RGS7: variants seen among roughly 807,000 people sequenced by gnomAD.
RGS7 encodes the protein regulator of G protein signaling 7.
Under a neutral mutation model 81.1 loss-of-function variants are expected in RGS7, and 27 were observed. The ratio of observed to expected loss-of-function variants is 0.33; its 90% confidence interval spans 0.25 to 0.46. The LOEUF (loss-of-function observed/expected upper bound fraction) is 0.46. Among genes scored for constraint, RGS7 ranks in the 20% least tolerant of loss-of-function variants. The pLI, the probability that RGS7 is intolerant of heterozygous loss-of-function variation, is 1.00. For synonymous variants in RGS7, 208 were observed against 207.7 expected (o/e 1.00, Z -0.01); for missense variants, 396 against 607.4 (o/e 0.65, Z 3.66).
At chr1:241,073,466 T>C (rs999949415) in intron 3 of RGS7, among the ~76,000 whole-genome samples, 2 of 152,236 alleles carry the variant, frequency 1.3e-5, no homozygotes, top group African/African-American at 2.4e-5. Flanking sequence ...ATGTACACTT[T>C]GGCTACAAAG....
intron 2 of RGS7, among the ~76,000 whole-genome samples, chr1:241,274,261 C>T (rs1354829215): frequency 2.6e-5 from 4 of 152,146 alleles, no homozygotes; most frequent in African/African-American, 7.2e-5. Context: ...GGTACTAGTA[C>T]TTGGTAGTCA....
chr1:241,228,208 G>A (rs959130010), intron 2 of RGS7, among the ~76,000 whole-genome samples: 4 of 152,128 alleles, frequency 2.6e-5, no homozygotes, highest in Non-Finnish European at 5.9e-5. Flanking sequence ...TGAGCCCAGC[G>A]TTCTGTCCAC....
intron 4 of RGS7, among the ~76,000 whole-genome samples, chr1:240,954,590 G>A (rs1240005428): frequency 6.6e-6 from 1 of 151,772 alleles, no homozygotes. Flanking sequence ...TAGGATCAGA[G>A]GAGAACTTTC....
intron 2 of RGS7, among the ~76,000 whole-genome samples, chr1:241,245,445 C>T (rs1473864596): frequency 6.6e-6 from 1 of 151,572 alleles, no homozygotes; most frequent in Non-Finnish European, 1.5e-5. Flanking sequence ...GAAGCAGAAG[C>T]TTGCACAGCC....
At position 241,116,786 on chromosome 1, in the gene RGS7, G is replaced by T. The variant is rs1427529378; in HGVS notation, c.79-18024C>A. Among the ~76,000 whole-genome samples, 4 of 151,972 alleles carry T rather than the reference G, an allele frequency of 2.6e-5. No individual in the cohort carries two copies. The East Asian group carries it at 7.7e-4, about 29-fold the overall frequency. ...AAACATTTGTCAGTTTTTTTGTGTT[G>T]GAAATGTTCAGTATCCTCCTTCCAG... is the stretch of plus-strand genomic sequence containing the variant. On this transcript the variant is annotated intron_variant, in intron 2 of 18. Transcript: ENST00000440928.
intron 2 of RGS7, among the ~76,000 whole-genome samples, chr1:241,327,810 T>C (rs1255435984): frequency 6.6e-6 from 1 of 152,184 alleles, no homozygotes; most frequent in Non-Finnish European, 1.5e-5. Flanking sequence ...ACAGGAAAAA[T>C]AGCTATAATT....
intron 2 of RGS7, among the ~76,000 whole-genome samples, chr1:241,246,908 G>A (rs2076576637): frequency 6.6e-6 from 1 of 151,958 alleles, no homozygotes; most frequent in South Asian, 2.1e-4. Context: ...GCGCAGAACT[G>A]AGAGTGCTGG....
In RGS7 at chr1:241,076,384, T is replaced by G. The variant is rs542879144; in HGVS notation, c.175+22282A>C. Among the ~76,000 whole-genome samples the G allele has an allele frequency of 8.5e-5, 13 of 152,278 alleles. No homozygotes were observed. In the South Asian group the frequency reaches 2.5e-3, roughly 29 times the overall value. The stretch of plus-strand genomic sequence containing the variant: ...AAACTGTCTTACATTCCTCCCTAAT[T>G]AGTTCAAATTGAAAGTTTGCTCTCA... On this transcript the variant is annotated intron_variant, in intron 3 of 18. Transcript: ENST00000440928.
At chr1:241,251,801 C>T (rs1412903177) in intron 2 of RGS7, among the ~76,000 whole-genome samples, 1 of 152,060 alleles carries the variant, frequency 6.6e-6, no homozygotes, top group Non-Finnish European at 1.5e-5. Context: ...TGAGCCACCA[C>T]GCCTGGCTGG....
At chr1:240,824,469 G>C (rs566967069) in intron 10 of RGS7, among the ~76,000 whole-genome samples, 10 of 152,214 alleles carry the variant, frequency 6.6e-5, no homozygotes, top group Admixed American at 1.3e-4. Flanking sequence ...CAATTATGGC[G>C]GAAGGGAAGG....
At chr1:240,811,524 T>G (rs1689852665) in intron 14 of RGS7, among the ~76,000 whole-genome samples, 1 of 152,330 alleles carries the variant, frequency 6.6e-6, no homozygotes, top group Admixed American at 6.5e-5. Flanking sequence ...CTTCTCTAAC[T>G]TGCTTGAGAA....
rs543970966 is a variant in RGS7 at position 240,847,236 on chromosome 1, CA to C, written c.610-20065del. Among the ~76,000 whole-genome samples the C allele has an allele frequency of 5.9e-5, 9 of 152,282 alleles. No individual in the cohort carries two copies. In the South Asian group the frequency reaches 1.7e-3, roughly 28 times the overall value. On this transcript the variant is annotated intron_variant, in intron 9 of 18. Coordinates refer to ENST00000440928, the MANE Select transcript of RGS7 (RefSeq NM_001364886.1). ...TGATTGCTAAAATAACTTCAGCTAC[CA>C]ATTACTGAACAAGGGTTGTGTGCCA...
chr1:241,249,910 T>C (rs139538146), intron 2 of RGS7, among the ~76,000 whole-genome samples: 114 of 152,268 alleles, frequency 7.5e-4, no homozygotes, highest in Admixed American at 1.6e-3. Flanking sequence ...TAACAATGAA[T>C]TGACTCATAA....
intron 2 of RGS7, among the ~76,000 whole-genome samples, chr1:241,237,189 T>C (rs540339400): frequency 6.6e-6 from 1 of 152,208 alleles, no homozygotes. Context: ...TACTAAAACA[T>C]GTAAGAATTA....
At chr1:241,310,394 AGT>A (rs200491959) in intron 2 of RGS7, among the ~76,000 whole-genome samples, 2,137 of 149,080 alleles carry the variant, frequency 0.014, 23 homozygotes, top group Non-Finnish European at 0.023. Context: ...TGTGCGTGTG[AGT>A]GTGTTTGTGT....
intron 2 of RGS7, among the ~76,000 whole-genome samples, chr1:241,217,368 T>A (rs1270475100): frequency 6.6e-6 from 1 of 152,168 alleles, no homozygotes; most frequent in Non-Finnish European, 1.5e-5. Context: ...ACCCAACCTG[T>A]GGTTTTTGCT....
At chr1:240,872,365 A>C (rs1427199882) in intron 6 of RGS7, among the ~76,000 whole-genome samples, 2 of 152,072 alleles carry the variant, frequency 1.3e-5, no homozygotes, top group Admixed American at 1.3e-4. Flanking sequence ...AGGCTGAGGA[A>C]GGAGGATCAT....
intron 2 of RGS7, among the ~76,000 whole-genome samples, chr1:241,289,321 C>A (rs2078976306): frequency 6.6e-6 from 1 of 152,192 alleles, no homozygotes; most frequent in Non-Finnish European, 1.5e-5. Context: ...CTTTATCTAG[C>A]AAATGCCCAC....
intron 3 of RGS7, among the ~76,000 whole-genome samples, chr1:241,050,508 G>A (rs2061190957): frequency 6.6e-6 from 1 of 152,132 alleles, no homozygotes; most frequent in Non-Finnish European, 1.5e-5. Context: ...AGGTAGGCTT[G>A]TCAAAGAGGG....
Sources: gnomAD v4.1 joint callset for allele counts (sites outside exome capture counted in the v4.1 genomes callset) on GRCh38, gnomAD v4.1.1 for gene constraint, MANE v1.5 for transcripts, NCBI Gene and HGNC (gene_info 2026-07-23, HGNC 2026-07-21) for gene names.